HEATR5A: variants seen among roughly 807,000 people sequenced by gnomAD.
HEATR5A encodes the protein HEAT repeat-containing protein 5A.
In HEATR5A, 178 loss-of-function variants were observed where a neutral mutation model predicts 218.8. The observed-to-expected ratio is 0.81, with a 90% confidence interval of 0.72 to 0.92. HEATR5A has a LOEUF of 0.92. Among genes scored for constraint, HEATR5A ranks in the 40% least tolerant of loss-of-function variants. The pLI is 0.00. For synonymous variants in HEATR5A, 864 were observed against 871.6 expected (o/e 0.99, Z 0.15); for missense variants, 2,420 against 2,418.9 (o/e 1.00, Z -0.01).
intron 13 of HEATR5A, among the ~76,000 whole-genome samples, chr14:31,366,273 CA>C (rs1319649111): frequency 6.6e-6 from 1 of 151,948 alleles, no homozygotes; most frequent in Non-Finnish European, 1.5e-5. Context: ...AATAGTGTCT[CA>C]AAACAAAAAC....
rs553824463 is a variant in HEATR5A, at chr14:31,323,045, A to T, written c.3787+520T>A. 2.0e-5 allele frequency among the ~76,000 whole-genome samples: 3 copies of T among 152,312 alleles called. No individual in the cohort carries two copies. In the South Asian group the frequency reaches 6.2e-4, roughly 32 times the overall value. ...ATCTATGATACTAAAATAATCTGTA[A>T]GCAAAAACTGGCCCAAGTTACAAAC... On this transcript the variant is annotated intron_variant, in intron 24 of 35. Coordinates refer to ENST00000543095, the MANE Select transcript of HEATR5A (RefSeq NM_015473.4).
intron 10 of HEATR5A, among the ~76,000 whole-genome samples, chr14:31,383,161 C>T (rs752615322): frequency 6.6e-6 from 1 of 152,064 alleles, no homozygotes; most frequent in African/African-American, 2.4e-5. Flanking sequence ...TTGAATCTAA[C>T]GTATGGGACT....
intron 1 of HEATR5A, among the ~76,000 whole-genome samples, chr14:31,409,294 C>T (rs1048291512): frequency 2.0e-5 from 3 of 150,808 alleles, no homozygotes; most frequent in Admixed American, 6.6e-5. Context: ...GTGATCCAAC[C>T]GCCTCGGCAT....
chr14:31,332,850 G>T (rs1433728213), intron 22 of HEATR5A, among the ~76,000 whole-genome samples: 2 of 152,008 alleles, frequency 1.3e-5, no homozygotes, highest in Non-Finnish European at 2.9e-5. Context: ...GCCAGGCATG[G>T]TGGCGGGCAC....
chr14:31,375,866 A>G (rs918836898), intron 11 of HEATR5A, among the ~76,000 whole-genome samples: 3 of 152,214 alleles, frequency 2.0e-5, no homozygotes, highest in African/African-American at 7.2e-5. Flanking sequence ...ACAATGTACA[A>G]TGATAACATT....
chr14:31,305,653 TC>T (rs1465034544), intron 31 of HEATR5A, among the ~76,000 whole-genome samples: 1 of 152,196 alleles, frequency 6.6e-6, no homozygotes, highest in East Asian at 1.9e-4. Flanking sequence ...TATTATGACT[TC>T]CTATTGCAAT....
intron 20 of HEATR5A, among the ~76,000 whole-genome samples, chr14:31,344,347 G>A (rs61995554): frequency 0.28 from 39,795 of 141,304 alleles, 6,668 homozygotes; most frequent in Middle Eastern, 0.41. Context: ...GTGCCATTTC[G>A]GCTCACAGCA....
intron 14 of HEATR5A, among the ~76,000 whole-genome samples, chr14:31,360,124 T>G (rs1464003806): frequency 6.6e-6 from 1 of 152,114 alleles, no homozygotes; most frequent in Non-Finnish European, 1.5e-5. Flanking sequence ...TAAACACCTG[T>G]TTTTGTTTGC....
Position 31,337,473 on chromosome 14 carries a change from T to C in HEATR5A, c.3367+3A>G, listed in dbSNP as rs755366240. 1.8e-5 allele frequency: 28 copies of C among 1,548,114 alleles called. No individual in the cohort carries two copies. The South Asian group carries it at 3.1e-4, about 17-fold the overall frequency. On this transcript the variant is annotated splice_donor_region_variant and intron_variant, in intron 22 of 35. Coordinates refer to ENST00000543095, the MANE Select transcript of HEATR5A (RefSeq NM_015473.4). ...TGGACATAATCTTGATCAAGAGAAT[T>C]ACCTGGAGTCAACTCTTCTCTGCTA...
rs1900704058 is a variant in HEATR5A, at chr14:31,337,405, C to T, written c.3367+71G>A. ...TTAACTTTTAAACTGTTTCAAAACT[C>T]ATGTATATATGGAAAATTTAAAATA... is the stretch of plus-strand genomic sequence containing the variant. On this transcript the variant is annotated intron_variant, in intron 22 of 35. Transcript: ENST00000543095. 3.1e-6 allele frequency: 4 copies of T among 1,287,918 alleles called. No homozygotes were observed. The Admixed American group carries it at 9.3e-5, about 30-fold the overall frequency. The allele number at this position is 1,287,918 out of a possible 1,614,324, so 79.8% of individuals were successfully genotyped here. A position where few individuals can be genotyped will look rare whatever the true frequency, so the allele number is the denominator to read the frequency against.
rs182506587 is a variant in HEATR5A, at chr14:31,341,321, T to A, written c.3228+2575A>T. On this transcript the variant is annotated intron_variant, in intron 21 of 35. Coordinates refer to ENST00000543095, the MANE Select transcript of HEATR5A (RefSeq NM_015473.4). ...ATGTAACTTTTTTTTTGATGCCTATTTTTTTTTCCTGCAGTAAATATGTAC... is the reference window on the plus strand; with the variant it reads ...ATGTAACTTTTTTTTTGATGCCTATATTTTTTTCCTGCAGTAAATATGTAC... 9.7e-3 allele frequency among the ~76,000 whole-genome samples: 1,482 copies of A among 152,100 alleles called. 18 individuals carry two copies. The highest frequency in any genetic ancestry group is 0.013 in the Non-Finnish European group (880 of 67,982).
At chr14:31,321,742 G>A in intron 24 of HEATR5A, 62 bp from the exon 25 acceptor site, 1 of 1,261,218 alleles carries the variant, frequency 7.9e-7, no homozygotes, top group Non-Finnish European at 1.1e-6. Flanking sequence ...AAAATGTGCT[G>A]GAACTAAGAC....
rs534652038 is a variant in HEATR5A at position 31,366,019 on chromosome 14, A to G, written c.1962-1721T>C. On this transcript the variant is annotated intron_variant, in intron 13 of 35. Transcript: ENST00000543095. ...CTATTTCTAGTCTCTAGAAGAAAGG[A>G]GAGTTATCTATTGACTTATCACTGA... 6.1e-4 allele frequency among the ~76,000 whole-genome samples: 93 copies of G among 152,338 alleles called. 1 individual carries two copies. Among genetic ancestry groups the G allele is most frequent in the African/African-American group, 2.2e-3 (92 of 41,586 alleles).
In HEATR5A at chr14:31,339,816, T is replaced by C. The variant is rs1027189648; in HGVS notation, c.3229-2202A>G. Among the ~76,000 whole-genome samples the C allele has an allele frequency of 1.8e-4, 27 of 152,160 alleles. 1 individual carries two copies. The highest frequency in any genetic ancestry group is 1.3e-4 in the Admixed American group (2 of 15,258). The stretch of plus-strand genomic sequence containing the variant: ...GAAGTTAAAATATAAAAAGATTATG[T>C]TTACTCATCCCCAAGATTACTGTTG... On this transcript the variant is annotated intron_variant, in intron 21 of 35. Coordinates refer to ENST00000543095, the MANE Select transcript of HEATR5A (RefSeq NM_015473.4).
At chr14:31,319,847 C>T (rs576158034) in intron 25 of HEATR5A, among the ~76,000 whole-genome samples, 3 of 152,234 alleles carry the variant, frequency 2.0e-5, no homozygotes, top group South Asian at 4.1e-4. Flanking sequence ...GAGTTTGAGA[C>T]CAGCCTGCGC....
At position 31,321,801 on chromosome 14, in the gene HEATR5A, T is replaced by G. The variant is rs1453103489; in HGVS notation, c.3788-121A>C. On this transcript the variant is annotated intron_variant, in intron 24 of 35. Transcript: ENST00000543095. ...TCCTTTAAGTACCTCTGACTTGATA[T>G]ACTGTTTTTGCTGTTTGTTAAATAG... is the stretch of plus-strand genomic sequence containing the variant. The G allele has an allele frequency of 4.2e-6, 3 of 712,984 alleles. No homozygotes were observed. The South Asian group carries it at 6.1e-5, about 15-fold the overall frequency. 44.2% of individuals were successfully genotyped at this position (712,984 alleles called of 1,614,324 possible). A position where few individuals can be genotyped will look rare whatever the true frequency, so the allele number is the denominator to read the frequency against.
At chr14:31,368,972 T>A (rs981152192) in intron 13 of HEATR5A, among the ~76,000 whole-genome samples, 2 of 152,164 alleles carry the variant, frequency 1.3e-5, no homozygotes, top group Non-Finnish European at 2.9e-5. Flanking sequence ...AAGACATTTT[T>A]AATATTTTAA....
At chr14:31,293,696 T>C in intron 35 of HEATR5A, 84 bp from the exon 36 acceptor site, 1 of 1,291,462 alleles carries the variant, frequency 7.7e-7, no homozygotes, top group Non-Finnish European at 1.1e-6. Context: ...TGTATACATT[T>C]TTCCCCACTA....
rs958846856 is a variant in HEATR5A, at chr14:31,384,198, T to G, written c.1346-427A>C. ...TGGCTCACGCCTGTAATCCCAGCAC[T>G]TTGGGAGGCCAAGGCAGGCAGACTG... On this transcript the variant is annotated intron_variant, in intron 9 of 35. Coordinates refer to ENST00000543095, the MANE Select transcript of HEATR5A (RefSeq NM_015473.4). 7.9e-5 allele frequency among the ~76,000 whole-genome samples: 12 copies of G among 152,278 alleles called. 1 individual carries two copies. The highest frequency in any genetic ancestry group is 7.2e-4 in the Admixed American group (11 of 15,298).
Sources: allele counts gnomAD v4.1 joint callset (sites outside exome capture counted in the v4.1 genomes callset), GRCh38; gene constraint gnomAD v4.1.1; transcripts MANE v1.5; gene names NCBI Gene and HGNC (gene_info 2026-07-23, HGNC 2026-07-21).